Variants in IFT172 observed in about 807,000 individuals in gnomAD.
IFT172 encodes intraflagellar transport 172.
Under a neutral mutation model 248.9 loss-of-function variants are expected in IFT172, and 164 were observed. The observed-to-expected ratio is 0.66, with a 90% CI of 0.58 to 0.75. The LOEUF (loss-of-function observed/expected upper bound fraction) is 0.75, where lower values mean the gene tolerates loss of function less well. IFT172 is among the 30% of genes least tolerant of loss of function. IFT172 has a pLI of 0.00. For missense variants in IFT172, 1,950 were observed against 2,192.4 expected (o/e 0.89, Z 2.21); for synonymous variants, 729 against 791.6 (o/e 0.92, Z 1.33).
Position 27,480,142 on chromosome 2 carries a change from C to A in IFT172, c.793G>T (p.Val265Leu), listed in dbSNP as rs1668257692. The change falls in exon 9 of 48, where the codon GTG becomes TTG. Residue 265 changes from valine to leucine, a missense_variant. Transcript: ENST00000260570. ...CTTCTTCGAGGGATCCAGTTGAACACCCGAAGCCTGAAATAAAGTATGTGG... is the reference window on the plus strand; with the variant it reads ...CTTCTTCGAGGGATCCAGTTGAACAACCGAAGCCTGAAATAAAGTATGTGG... Reference protein sequence around the residue: ...VVLGSYDRLRVFNWIPRRSIW... With the variant: ...VVLGSYDRLRLFNWIPRRSIW... 1.2e-6 allele frequency: 2 copies of A among 1,613,274 alleles called. No homozygotes were observed. Among genetic ancestry groups the A allele is most frequent in the South Asian group, 1.1e-5 (1 of 91,034 alleles).
chr2:27,459,827 C>A lies in IFT172; in HGVS notation c.2524G>T (p.Val842Leu). Residue 842 changes from valine (V) to leucine (L), a missense_variant and splice_region_variant, in exon 24 of 48, where the codon GTA (valine) becomes TTA (leucine). Physicochemically the swap from Val to Leu is conservative, Grantham distance 32 (BLOSUM62 1). This residue lies in a region of IFT172 where 1,166 missense variants were observed against 1,254.1 expected (regional missense o/e 0.93). Transcript: ENST00000260570. ...YRKGNAFMKA[V>L]ELARLAFPVE... ...GGGAAGGCCAATCGAGCCAGCTCTA[C>A]CGCTGCCAGGGAGAGAAAAGATGCT... is the stretch of plus-strand genomic sequence containing the variant. 1 of 1,611,016 alleles carries A rather than the reference C, an allele frequency of 6.2e-7. No individual in the cohort carries two copies. The highest frequency in any genetic ancestry group is 2.2e-5 in the East Asian group (1 of 44,880).
At chr2:27,486,921 G>C (rs1359444169) in intron 1 of IFT172, among the ~76,000 whole-genome samples, 1 of 151,930 alleles carries the variant, frequency 6.6e-6, no homozygotes, top group African/African-American at 2.4e-5. Flanking sequence ...TGAGGAGAGA[G>C]CACAACTATC....
chr2:27,466,266 C>T (rs1667080543), intron 16 of IFT172, among the ~76,000 whole-genome samples: 2 of 152,142 alleles, frequency 1.3e-5, no homozygotes, highest in Non-Finnish European at 1.5e-5. Context: ...TACCCATATC[C>T]TACCCTTCTC....
chr2:27,460,973 A>G, intron 23 of IFT172, 42 bp downstream of exon 23: 1 of 1,613,102 alleles, frequency 6.2e-7, no homozygotes, highest in Non-Finnish European at 8.5e-7. Flanking sequence ...CAGATGGGCA[A>G]GAGTCCACAA....
At chr2:27,461,192 G>T (rs1666632815) in intron 22 of IFT172, 77 bp downstream of exon 22, 1 of 1,612,490 alleles carries the variant, frequency 6.2e-7, no homozygotes, top group Non-Finnish European at 8.5e-7. Context: ...GAAGCGCTCT[G>T]CACCCCAAGA....
intron 23 of IFT172, 59 bp from the exon 24 acceptor site, chr2:27,459,888 G>C: frequency 6.3e-7 from 1 of 1,595,782 alleles, no homozygotes; most frequent in Non-Finnish European, 8.5e-7. Flanking sequence ...TCAGGAAAAA[G>C]GTAGGACAGG....
chr2:27,472,642 A>G (rs1274387259), intron 14 of IFT172, among the ~76,000 whole-genome samples: 1 of 152,218 alleles, frequency 6.6e-6, no homozygotes, highest in Non-Finnish European at 1.5e-5. Flanking sequence ...CACATTAAAG[A>G]TAAGCCTGAT....
At position 27,483,936 on chromosome 2, in the gene IFT172, C is replaced by T. The variant is rs778306652; in HGVS notation, c.338G>A (p.Ser113Asn). ...KVICNKFIQTSAVTCLQWPAE... is the reference protein window; with the variant it reads ...KVICNKFIQTNAVTCLQWPAE... ...CGGCCATTGCAGACAAGTGACAGCA[C>T]TCTGCGTGGAAGGAAACAATGAAAA... The change falls in exon 5 of 48, where the codon AGT becomes AAT. Residue 113 changes from serine to asparagine, a missense_variant and splice_region_variant. Coordinates refer to ENST00000260570, the MANE Select transcript of IFT172 (RefSeq NM_015662.3). 2.9e-5 allele frequency: 46 copies of T among 1,613,552 alleles called. No homozygotes were observed. Among genetic ancestry groups the T allele is most frequent in the Non-Finnish European group, 3.9e-5 (46 of 1,179,450 alleles).
chr2:27,457,618 AGT>A lies in IFT172; in HGVS notation c.3228+19_3228+20del, dbSNP rs761693957. On this transcript the variant is annotated intron_variant, in intron 29 of 47. Transcript: ENST00000260570. ...GGAAAGAAGGATGGATGTATCCCTC[AGT>A]GTGGCCTGAACTCCTTACCCTGTAG... 2.5e-6 allele frequency: 4 copies of A among 1,581,952 alleles called. No individual in the cohort carries two copies. The East Asian group carries it at 8.9e-5, about 35-fold the overall frequency.
At position 27,462,781 on chromosome 2, in the gene IFT172, T is replaced by C. The variant is rs746240262; in HGVS notation, c.2035A>G (p.Thr679Ala). Reference protein sequence around the residue: ...QVSREYGGEGTDFYQVRARLA... With the variant: ...QVSREYGGEGADFYQVRARLA... ...CGTGCTCGGACCTGATAAAAGTCTG[T>C]TCCTTCTCCGCCCTGTGGGGGAAAA... The change falls in exon 20 of 48, where the codon ACA becomes GCA. Residue 679 changes from threonine to alanine, a missense_variant. Coordinates refer to ENST00000260570, the MANE Select transcript of IFT172 (RefSeq NM_015662.3). 9 of 1,614,040 alleles carry C rather than the reference T, an allele frequency of 5.6e-6. No homozygotes were observed. Among genetic ancestry groups the C allele is most frequent in the Admixed American group, 1.7e-5 (1 of 59,994 alleles).
At position 27,457,756 on chromosome 2, in the gene IFT172, C is replaced by T. The variant is rs1558373277; in HGVS notation, c.3112-1G>A. On this transcript the variant is annotated splice_acceptor_variant, in intron 28 of 47. Coordinates refer to ENST00000260570, the MANE Select transcript of IFT172 (RefSeq NM_015662.3). LOFTEE classifies it high-confidence loss of function. ...GTAGTCGGCCTTCAGCCTCCAGCTC[C>T]TGCAGGAAGGTGAGTCAGGATGGAG... is the stretch of plus-strand genomic sequence containing the variant. 6.2e-7 allele frequency: 1 copy of T among 1,614,116 alleles called. No homozygotes were observed. The highest frequency in any genetic ancestry group is 8.5e-7 in the Non-Finnish European group (1 of 1,180,018).
At position 27,471,136 on chromosome 2, in the gene IFT172, G is replaced by A. The variant is rs376358842; in HGVS notation, c.1525-41C>T. The A allele has an allele frequency of 1.1e-5, 17 of 1,593,614 alleles. No individual in the cohort carries two copies. The African/African-American group carries it at 1.6e-4, about 15-fold the overall frequency. ...GCAGGTAACACAATTACAAGGGGAT[G>A]TGGGGTTGTCTCCTGCTTTTGACCA... On this transcript the variant is annotated intron_variant, in intron 15 of 47. Transcript: ENST00000260570.
intron 16 of IFT172, among the ~76,000 whole-genome samples, chr2:27,467,613 CAAAAAAAAAAAAA>C (rs758559563): frequency 3.8e-5 from 2 of 53,136 alleles, no homozygotes; most frequent in African/African-American, 1.6e-4. Context: ...ACCCTGTCTC[CAAAAAAAAAAAAA>C]AAAAAAAAAA....
intron 14 of IFT172, among the ~76,000 whole-genome samples, chr2:27,473,953 ACCCGCCAC>A (rs555502666): frequency 4.6e-4 from 70 of 151,604 alleles, no homozygotes; most frequent in African/African-American, 1.6e-3. Context: ...GATTATAGGC[ACCCGCCAC>A]CATGCCCGGC....
At chr2:27,458,478 C>A (rs1217619772) in intron 26 of IFT172, among the ~76,000 whole-genome samples, 1 of 152,188 alleles carries the variant, frequency 6.6e-6, no homozygotes, top group Non-Finnish European at 1.5e-5. Context: ...CCACTGGACT[C>A]TGAAGTGTAG....
In IFT172 at chr2:27,454,344, G is replaced by A. The variant is rs748961921; in HGVS notation, c.3530+10C>T. 1.2e-6 allele frequency: 2 copies of A among 1,614,094 alleles called. No homozygotes were observed. The highest frequency in any genetic ancestry group is 1.7e-6 in the Non-Finnish European group (2 of 1,179,994). ...GGAAACAGTATTAAGGAATGTATGG[G>A]GTAACTCACATGAGGACTGCCTCCT... On this transcript the variant is annotated intron_variant, in intron 32 of 47. Coordinates refer to ENST00000260570, the MANE Select transcript of IFT172 (RefSeq NM_015662.3). This position sits in a 1 kb window ranked among gnomAD's most constrained non-coding sequence, Gnocchi z 4.2.
At chr2:27,476,491 C>T in intron 14 of IFT172, 150 bp downstream of exon 14, 1 of 550,484 alleles carries the variant, frequency 1.8e-6, no homozygotes, top group Non-Finnish European at 3.3e-6. Flanking sequence ...TTGACTTAAA[C>T]ATTTCATATA....
rs34115935 is a variant in IFT172 at position 27,467,418 on chromosome 2, G to GAAAAAAAA, written c.1693-1544_1693-1537dup. On this transcript the variant is annotated intron_variant, in intron 16 of 47. Coordinates refer to ENST00000260570, the MANE Select transcript of IFT172 (RefSeq NM_015662.3). ...TGAGAACTTGTCTTTACAGAAAATTGAAAAAAAAAAAAAAAAAAAAAAAAA... is the reference window on the plus strand; with the variant it reads ...TGAGAACTTGTCTTTACAGAAAATTGAAAAAAAAAAAAAAAAAAAAAAAAAAAAAAAAA... 4.3e-4 allele frequency among the ~76,000 whole-genome samples: 7 copies of GAAAAAAAA among 16,426 alleles called. 1 individual carries two copies. The highest frequency in any genetic ancestry group is 2.4e-3 in the East Asian group (1 of 422). The allele number at this position is 16,426 out of a possible 152,430, so 10.8% of individuals were successfully genotyped here. A position where few individuals can be genotyped will look rare whatever the true frequency, so the allele number is the denominator to read the frequency against.
intron 14 of IFT172, among the ~76,000 whole-genome samples, chr2:27,474,850 C>A (rs1667851685): frequency 6.6e-6 from 1 of 151,938 alleles, no homozygotes; most frequent in Non-Finnish European, 1.5e-5. Context: ...CTGTGCCCGG[C>A]CTCAAACTGT....
Sources: gnomAD v4.1 joint callset for allele counts (sites outside exome capture counted in the v4.1 genomes callset) on GRCh38, gnomAD v4.1.1 for gene constraint, gnomAD v4.1.1 regional missense constraint, Gnocchi (gnomAD v3.1) non-coding constraint, MANE v1.5 for transcripts, NCBI Gene and HGNC (gene_info 2026-07-23, HGNC 2026-07-21) for gene names.